The following ANK1 variants were observed in gnomAD, a reference collection of about 807,000 sequenced individuals.
The protein encoded by ANK1 is ankyrin 1.
A neutral mutation model predicts 210.4 loss-of-function variants in ANK1; 51 were observed. The observed-to-expected ratio is 0.24, with a 90% CI of 0.19 to 0.31. The LOEUF is 0.31. ANK1 is among the 10% of genes least tolerant of loss of function. The probability of loss-of-function intolerance (pLI) is 1.00; values close to 1 mark genes in which losing one functional copy is unlikely to be tolerated. For synonymous variants in ANK1, 967 were observed against 1,025.9 expected, an observed-to-expected ratio of 0.94 and a Z score of 1.10; for missense variants, 2,051 against 2,504.4, an observed-to-expected ratio of 0.82 and a Z score of 3.86.
intron 1 of ANK1, among the ~76,000 whole-genome samples, chr8:41,782,225 T>G (rs369289007): frequency 6.6e-6 from 1 of 152,134 alleles, no homozygotes; most frequent in Non-Finnish European, 1.5e-5. Context: ...AATATTTCCA[T>G]AGAGAGCTTT....
rs74556976 is a variant in ANK1 at position 41,842,460 on chromosome 8, T to C, written c.126+53895A>G. ...GTGAGCCAAGATCACGCCACTGCCCTCCAGCCCAGGCAACAGAGCGAGACT... is the reference window on the plus strand; with the variant it reads ...GTGAGCCAAGATCACGCCACTGCCCCCCAGCCCAGGCAACAGAGCGAGACT... On this transcript the variant is annotated intron_variant, in intron 1 of 42. Coordinates refer to the ANK1 transcript ENST00000265709. Among the ~76,000 whole-genome samples the C allele has an allele frequency of 4.5e-3, 676 of 151,346 alleles. 3 individuals carry two copies. The highest frequency in any genetic ancestry group is 0.028 in the East Asian group (141 of 5,126).
intron 1 of ANK1, among the ~76,000 whole-genome samples, chr8:41,838,253 T>C (rs1325097298): frequency 6.6e-6 from 1 of 152,136 alleles, no homozygotes; most frequent in African/African-American, 2.4e-5. Context: ...TTGCCCAAGA[T>C]CACACAGCTG....
chr8:41,762,278 C>G (rs1840663967), intron 1 of ANK1, among the ~76,000 whole-genome samples: 2 of 152,214 alleles, frequency 1.3e-5, no homozygotes, highest in African/African-American at 4.8e-5. Flanking sequence ...CTTCAAGGCC[C>G]TGATGGTGGC....
chr8:41,792,165 A>C (rs947947677), intron 1 of ANK1, among the ~76,000 whole-genome samples: 1 of 152,140 alleles, frequency 6.6e-6, no homozygotes. Flanking sequence ...AGCCGAGGGG[A>C]GGGTGACAGT....
At chr8:41,747,106 A>T (rs1437149222) in intron 2 of ANK1, among the ~76,000 whole-genome samples, 1 of 152,228 alleles carries the variant, frequency 6.6e-6, no homozygotes, top group Admixed American at 6.5e-5. Context: ...GTACAGAAAA[A>T]GTAATATGCC....
chr8:41,749,458 C>T (rs1248378924), intron 2 of ANK1, among the ~76,000 whole-genome samples: 13 of 151,734 alleles, frequency 8.6e-5, no homozygotes, highest in African/African-American at 2.4e-5. Flanking sequence ...CCACCATGCC[C>T]GACTAATTTT....
At chr8:41,711,784 G>A (rs1379144192) in intron 16 of ANK1, among the ~76,000 whole-genome samples, 2 of 152,090 alleles carry the variant, frequency 1.3e-5, no homozygotes, top group East Asian at 3.9e-4. Flanking sequence ...ACTGTAAGCC[G>A]CCTCAGACAC....
chr8:41,764,779 T>TCA (rs1373192118), intron 1 of ANK1, among the ~76,000 whole-genome samples: 3 of 152,260 alleles, frequency 2.0e-5, no homozygotes, highest in Non-Finnish European at 2.9e-5. Flanking sequence ...GCCTAATCAA[T>TCA]GTGATGTCCC....
intron 1 of ANK1, among the ~76,000 whole-genome samples, chr8:41,791,374 G>C (rs756691900): frequency 9.3e-5 from 14 of 149,764 alleles, no homozygotes; most frequent in Non-Finnish European, 1.8e-4. Context: ...TTGCCATGTT[G>C]GCCAGGCTGG....
At chr8:41,778,395 C>A (rs1375538199) in intron 1 of ANK1, among the ~76,000 whole-genome samples, 1 of 152,206 alleles carries the variant, frequency 6.6e-6, no homozygotes, top group African/African-American at 2.4e-5. Flanking sequence ...GCACTGGGGG[C>A]ATCTTTGATG....
At chr8:41,767,080 G>T (rs960381977) in intron 1 of ANK1, among the ~76,000 whole-genome samples, 6 of 152,038 alleles carry the variant, frequency 3.9e-5, no homozygotes, top group African/African-American at 1.4e-4. Context: ...CACAAGTCCC[G>T]CTGCCTCCCA....
intron 2 of ANK1, among the ~76,000 whole-genome samples, chr8:41,737,394 A>G (rs1170365603): frequency 2.0e-5 from 3 of 152,234 alleles, no homozygotes; most frequent in Non-Finnish European, 4.4e-5. Context: ...TGAAGCTTAG[A>G]GCTAACGAAT....
intron 5 of ANK1, 92 bp downstream of exon 5, chr8:41,727,158 C>A (rs1830924371): frequency 1.0e-6 from 1 of 976,528 alleles, no homozygotes; most frequent in East Asian, 2.5e-5. Flanking sequence ...CATGGATGCA[C>A]CCCAAGCCAC....
chr8:41,768,537 A>C (rs1227309732), intron 1 of ANK1, among the ~76,000 whole-genome samples: 1 of 152,238 alleles, frequency 6.6e-6, no homozygotes, highest in African/African-American at 2.4e-5. Flanking sequence ...AACTGAGCCC[A>C]GGGAGGTAAT....
chr8:41,666,930 G>A (rs1810737189), intron 39 of ANK1, among the ~76,000 whole-genome samples: 1 of 152,226 alleles, frequency 6.6e-6, no homozygotes, highest in Non-Finnish European at 1.5e-5. Flanking sequence ...TTATAATTGA[G>A]GGAGTTGGAT....
rs147979660 is a variant in ANK1, at chr8:41,770,317, C to A, written c.28-12180G>T. Among the ~76,000 whole-genome samples, 102 of 152,252 alleles carry A rather than the reference C, an allele frequency of 6.7e-4. 3 individuals are homozygous for A. Among genetic ancestry groups the A allele is most frequent in the African/African-American group, 2.1e-3 (86 of 41,550 alleles). On this transcript the variant is annotated intron_variant, in intron 1 of 42. Coordinates refer to ENST00000289734, the MANE Select transcript of ANK1 (RefSeq NM_000037.4). ...TCTTTGGTGATACATCTGTTCAAAT[C>A]TTTTGTCCATTTTTAAGTTGGAATG... is the stretch of plus-strand genomic sequence containing the variant.
chr8:41,718,944 G>T (rs1408550961), intron 10 of ANK1, among the ~76,000 whole-genome samples: 2 of 152,186 alleles, frequency 1.3e-5, no homozygotes, highest in East Asian at 1.9e-4. Context: ...AACAGTACGT[G>T]GCCTGTGGGC....
At position 41,736,842 on chromosome 8, in the gene ANK1, A is replaced by G. The variant is rs533195247; in HGVS notation, c.130-2773T>C. Among the ~76,000 whole-genome samples the G allele has an allele frequency of 4.6e-5, 7 of 152,324 alleles. No individual in the cohort carries two copies. In the South Asian group the frequency reaches 1.5e-3, roughly 32 times the overall value. On this transcript the variant is annotated intron_variant, in intron 2 of 42. Coordinates refer to ENST00000289734, the MANE Select transcript of ANK1 (RefSeq NM_000037.4). ...ATGCAGGACTCGAAAGGGATATTAGAGGTCCCTGAACTCCACCCTTTCATC... is the reference window on the plus strand; with the variant it reads ...ATGCAGGACTCGAAAGGGATATTAGGGGTCCCTGAACTCCACCCTTTCATC...
At position 41,704,186 on chromosome 8, in the gene ANK1, A is replaced by AGGTCTCTGTCTAGTG; in HGVS notation, c.2197-48_2197-47insCACTAGACAGAGACC. On this transcript the variant is annotated intron_variant, in intron 19 of 42. Transcript: ENST00000289734. The surrounding 1 kb of genome is among the most constrained non-coding windows in gnomAD (Gnocchi z 4.1). ...AGGCAGGGTTAGCCAGCCACTAGAC[A>AGGTCTCTGTCTAGTG]GAGACCTGCCTACACATGATAGTGC... 6.5e-7 allele frequency: 1 copy of AGGTCTCTGTCTAGTG among 1,541,904 alleles called. No individual in the cohort carries two copies. Among genetic ancestry groups the AGGTCTCTGTCTAGTG allele is most frequent in the Non-Finnish European group, 9.0e-7 (1 of 1,115,552 alleles).
Sources: allele counts gnomAD v4.1 joint callset (sites outside exome capture counted in the v4.1 genomes callset), GRCh38; gene constraint gnomAD v4.1.1; non-coding constraint Gnocchi (gnomAD v3.1); transcripts MANE v1.5; gene names NCBI Gene and HGNC (gene_info 2026-07-23, HGNC 2026-07-21).